The following GFI1B variants were observed in gnomAD, a reference collection of about 807,000 sequenced individuals.
GFI1B encodes the protein zinc finger protein Gfi-1b.
Under a neutral mutation model 35.3 loss-of-function variants are expected in GFI1B, and 20 were observed. The observed-to-expected ratio is 0.57, with a 90% CI of 0.40 to 0.82. The LOEUF (loss-of-function observed/expected upper bound fraction) is 0.82. Among genes scored for constraint, GFI1B ranks in the 40% least tolerant of loss-of-function variants. The probability of loss-of-function intolerance (pLI) is 0.00; values close to 1 mark genes in which losing one functional copy is unlikely to be tolerated. For synonymous variants in GFI1B, 178 were observed against 177.6 expected (o/e 1.00, Z -0.02); for missense variants, 430 against 446.3 (o/e 0.96, Z 0.33).
chr9:132,980,071 C>T (rs117212390), intron 1 of GFI1B, among the ~76,000 whole-genome samples: 361 of 152,306 alleles, frequency 2.4e-3, no homozygotes, highest in Non-Finnish European at 3.9e-3. Context: ...CAAGAAAATG[C>T]GTAATTCCCC....
rs748212888 is a variant in GFI1B at position 132,987,380 on chromosome 9, G to C, written c.199G>C (p.Glu67Gln). Residue 67 changes from glutamate (E) to glutamine (Q), a missense_variant, in exon 3 of 7, where the codon GAG (glutamate) becomes CAG (glutamine). Glu to Gln is a conservative substitution (Grantham distance 29). Coordinates refer to ENST00000372122, the MANE Select transcript of GFI1B (RefSeq NM_001377304.1). ...CAACCTCAAACGAGAGCCGGAGCTG[G>C]AGCAGGACCAGAACTTGGCCAGGAT... is the stretch of plus-strand genomic sequence containing the variant. Reference protein sequence around the residue: ...WTNLKREPELEQDQNLARMAP... With the variant: ...WTNLKREPELQQDQNLARMAP... 8 of 1,614,144 alleles carry C rather than the reference G, an allele frequency of 5.0e-6. No individual in the cohort carries two copies. In the Admixed American group the frequency reaches 1.2e-4, roughly 24 times the overall value.
downstream of GFI1B, among the ~76,000 whole-genome samples, chr9:132,993,026 G>A (rs529738843): frequency 2.5e-4 from 38 of 152,120 alleles, no homozygotes; most frequent in African/African-American, 7.2e-4. Context: ...TGGGCCAGGC[G>A]CTCACGCCTG....
At chr9:132,978,441 G>T (rs923533440), upstream of GFI1B, 1 of 152,118 alleles carries the variant, frequency 6.6e-6, no homozygotes, top group Non-Finnish European at 1.5e-5. Context: ...TAATAATTTA[G>T]CCATCACTTT....
At chr9:132,955,017 A>C (rs1053425019) in intron 1 of GFI1B, among the ~76,000 whole-genome samples, 4 of 152,178 alleles carry the variant, frequency 2.6e-5, no homozygotes, top group African/African-American at 9.7e-5. Flanking sequence ...GTACCTGGCC[A>C]AATATTTTTT....
chr9:132,974,145 CATTT>C (rs1848583214), upstream of GFI1B, among the ~76,000 whole-genome samples: 1 of 152,130 alleles, frequency 6.6e-6, no homozygotes, highest in South Asian at 2.1e-4. Context: ...TTCATTCATT[CATTT>C]ATTCACTCTG....
chr9:132,959,715 G>A (rs186791241), intron 1 of GFI1B, among the ~76,000 whole-genome samples: 17 of 152,294 alleles, frequency 1.1e-4, no homozygotes, highest in African/African-American at 3.4e-4. Flanking sequence ...TGAAGGTTCC[G>A]AGGGAGCAGC....
intron 1 of GFI1B, chr9:132,947,285 C>T (rs181686117): frequency 3.9e-5 from 6 of 152,254 alleles, no homozygotes; most frequent in African/African-American, 9.6e-5. Context: ...TGCTGATGGT[C>T]CTCACAATCA....
Position 132,988,430 on chromosome 9 carries a change from C to G in GFI1B, c.472C>G (p.Pro158Ala), listed in dbSNP as rs951366034. 8 of 1,613,922 alleles carry G rather than the reference C, an allele frequency of 5.0e-6. No homozygotes were observed. Among genetic ancestry groups the G allele is most frequent in the South Asian group, 1.1e-5 (1 of 91,088 alleles). ...PALDFSLRYS[P>A]GMDAYHCVKC... ...CTTGGACTTCAGCCTCCGCTACTCC[C>G]CAGGCATGGATGCGTACCACTGTGT... is the stretch of plus-strand genomic sequence containing the variant. The change falls in exon 4 of 7, where the codon CCA becomes GCA. Residue 158 changes from proline to alanine, a missense_variant. Pro to Ala is a conservative substitution (Grantham distance 27, BLOSUM62 -1). Transcript: ENST00000372122.
At chr9:132,992,548 A>G (rs187742692), downstream of GFI1B, among the ~76,000 whole-genome samples, 138 of 152,270 alleles carry the variant, frequency 9.1e-4, no homozygotes, top group Middle Eastern at 3.4e-3. Flanking sequence ...CCATTCTTAC[A>G]AAGTGGCATA....
rs1196364560 is a variant in GFI1B, at chr9:132,989,827, C to T, written c.734C>T (p.Thr245Met). 4.3e-6 allele frequency: 7 copies of T among 1,614,136 alleles called. 1 individual carries two copies. Among genetic ancestry groups the T allele is most frequent in the South Asian group, 3.3e-5 (3 of 91,086 alleles). The change falls in exon 6 of 7, where the codon ACG (threonine) becomes ATG (methionine). Residue 245 changes from threonine (T) to methionine (M), a missense_variant. Transcript: ENST00000372122. This position sits in a 1 kb window ranked among gnomAD's most constrained non-coding sequence, Gnocchi z 6.2. ...LSTHLLIHSD[T>M]RPYPCQFCGK... ...ACCCACCTGCTCATCCACTCAGACA[C>T]GCGGCCCTACCCCTGCCAGTTCTGC...
At chr9:132,990,022 A>C in intron 6 of GFI1B, 115 bp downstream of exon 6, 1 of 886,272 alleles carries the variant, frequency 1.1e-6, no homozygotes, top group Non-Finnish European at 1.8e-6. Context: ...TACAAAGTCA[A>C]AGGCCACTGC....
intron 2 of GFI1B, 91 bp from the exon 3 acceptor site, chr9:132,987,191 T>G: frequency 7.3e-7 from 1 of 1,367,070 alleles, no homozygotes; most frequent in Non-Finnish European, 1.0e-6. Flanking sequence ...TCTCTGGGCC[T>G]CCTCCTCCTA....
intron 1 of GFI1B, among the ~76,000 whole-genome samples, chr9:132,954,102 A>C (rs1183269487): frequency 6.6e-6 from 1 of 152,042 alleles, no homozygotes; most frequent in Non-Finnish European, 1.5e-5. Flanking sequence ...GTAAAGAATC[A>C]ATTTTTTGTG....
Position 132,986,719 on chromosome 9 carries a change from C to T in GFI1B, c.41C>T (p.Thr14Ile), listed in dbSNP as rs1564177115. 6.2e-7 allele frequency: 1 copy of T among 1,613,010 alleles called. No homozygotes were observed. The highest frequency in any genetic ancestry group is 8.5e-7 in the Non-Finnish European group (1 of 1,179,482). ...SFLVKSKKAH[T>I]YHQPRVQEDE... ...CTGGTGAAGAGCAAGAAGGCTCACA[C>T]CTACCACCAGCCCCGTGTGCAGGAA... is the stretch of plus-strand genomic sequence containing the variant. Residue 14 changes from threonine to isoleucine, a missense_variant, in exon 2 of 7, where the codon ACC becomes ATC. Physicochemically the swap from Thr to Ile is moderately conservative, Grantham distance 89. Transcript: ENST00000372122.
At chr9:132,952,497 G>A (rs1848215959) in intron 1 of GFI1B, 1 of 152,048 alleles carries the variant, frequency 6.6e-6, no homozygotes, top group South Asian at 2.1e-4. Context: ...ATAGAGGTGA[G>A]GTCTCCCTAT....
At chr9:132,974,223 G>A (rs1848584909), upstream of GFI1B, among the ~76,000 whole-genome samples, 1 of 152,220 alleles carries the variant, frequency 6.6e-6, no homozygotes, top group South Asian at 2.1e-4. Context: ...GCCCTGAGCT[G>A]TGTGCCTGGA....
intron 1 of GFI1B, among the ~76,000 whole-genome samples, chr9:132,969,087 G>A (rs1174379819): frequency 6.6e-6 from 1 of 151,958 alleles, no homozygotes; most frequent in Non-Finnish European, 1.5e-5. Context: ...GGAGTGCAGT[G>A]GCATGATCTC....
At chr9:132,982,658 T>G (rs1848868453) in intron 1 of GFI1B, among the ~76,000 whole-genome samples, 1 of 152,202 alleles carries the variant, frequency 6.6e-6, no homozygotes, top group African/African-American at 2.4e-5. Flanking sequence ...ACCAAGTGGT[T>G]GTTAATTAAC....
At chr9:132,964,885 A>T (rs565669269) in intron 1 of GFI1B, among the ~76,000 whole-genome samples, 1 of 150,866 alleles carries the variant, frequency 6.6e-6, no homozygotes, top group Non-Finnish European at 1.5e-5. Context: ...GATTATAGGC[A>T]CCTGACACCA....
Sources: allele counts gnomAD v4.1 joint callset (sites outside exome capture counted in the v4.1 genomes callset), GRCh38; gene constraint gnomAD v4.1.1; non-coding constraint Gnocchi (gnomAD v3.1); transcripts MANE v1.5; gene names NCBI Gene and HGNC (gene_info 2026-07-23, HGNC 2026-07-21).